Variants in ARHGAP15 observed in about 807,000 individuals in gnomAD.
ARHGAP15 encodes rho GTPase-activating protein 15.
In ARHGAP15, 51 loss-of-function variants were observed where a neutral mutation model predicts 63.7. That is an observed-to-expected ratio of 0.80 (90% CI 0.64 to 1.01). The LOEUF (loss-of-function observed/expected upper bound fraction) is 1.01. ARHGAP15 is among the 50% of genes least tolerant of loss of function. ARHGAP15 has a pLI of 0.00. For missense variants in ARHGAP15, 560 were observed against 564.6 expected, an observed-to-expected ratio of 0.99 and a Z score of 0.08; for synonymous variants, 191 against 193.8, an observed-to-expected ratio of 0.99 and a Z score of 0.12.
intron 8 of ARHGAP15, among the ~76,000 whole-genome samples, chr2:143,476,010 C>A (rs1180427721): frequency 6.6e-6 from 1 of 152,158 alleles, no homozygotes; most frequent in Non-Finnish European, 1.5e-5. Context: ...CTGTTTTTAT[C>A]AAAAGTGACT....
chr2:143,707,219 G>A (rs1373037091), intron 13 of ARHGAP15, among the ~76,000 whole-genome samples: 1 of 152,168 alleles, frequency 6.6e-6, no homozygotes, highest in African/African-American at 2.4e-5. Flanking sequence ...TTGGATTGGA[G>A]TGATGGACGT....
chr2:143,278,314 G>A (rs1191902725), intron 6 of ARHGAP15, among the ~76,000 whole-genome samples: 1 of 152,166 alleles, frequency 6.6e-6, no homozygotes, highest in Non-Finnish European at 1.5e-5. Flanking sequence ...GCTTCTCCCA[G>A]ATGGTCTGCA....
At chr2:143,206,006 C>A (rs1335558785) in intron 3 of ARHGAP15, among the ~76,000 whole-genome samples, 1 of 151,996 alleles carries the variant, frequency 6.6e-6, no homozygotes, top group African/African-American at 2.4e-5. Context: ...AAATTTTCTA[C>A]AGCATCATGG....
At chr2:143,216,347 G>GTTTGTCACGGT in intron 3 of ARHGAP15, 37 bp from the exon 4 acceptor site, 2 of 1,515,076 alleles carry the variant, frequency 1.3e-6, no homozygotes, top group Non-Finnish European at 1.8e-6. Context: ...ATGCATAGTA[G>GTTTGTCACGGT]TTTGTCACGG....
intron 6 of ARHGAP15, among the ~76,000 whole-genome samples, chr2:143,409,561 A>G (rs977718115): frequency 3.3e-5 from 5 of 152,090 alleles, no homozygotes; most frequent in Admixed American, 6.6e-5. Flanking sequence ...TTATTCACCT[A>G]TATACCCCCA....
chr2:143,460,220 T>C (rs1690870128), intron 8 of ARHGAP15, among the ~76,000 whole-genome samples: 1 of 152,130 alleles, frequency 6.6e-6, no homozygotes, highest in Non-Finnish European at 1.5e-5. Flanking sequence ...AGCAAGATTA[T>C]TAGTGGAAAT....
chr2:143,379,042 A>T (rs1215676655), intron 6 of ARHGAP15, among the ~76,000 whole-genome samples: 1 of 151,764 alleles, frequency 6.6e-6, no homozygotes, highest in East Asian at 1.9e-4. Context: ...TTTAAATGGG[A>T]ATTTCAAAAA....
intron 6 of ARHGAP15, among the ~76,000 whole-genome samples, chr2:143,309,026 T>C (rs1350808693): frequency 6.6e-6 from 1 of 151,778 alleles, no homozygotes; most frequent in African/African-American, 2.4e-5. Context: ...TTATCTCATA[T>C]TGTTCTTTGT....
intron 13 of ARHGAP15, among the ~76,000 whole-genome samples, chr2:143,731,698 C>T (rs1437664794): frequency 6.6e-6 from 1 of 152,208 alleles, no homozygotes; most frequent in Non-Finnish European, 1.5e-5. Context: ...TTGATGCTTG[C>T]ATATAGCATA....
At chr2:143,612,952 A>G (rs1574709393) in intron 11 of ARHGAP15, among the ~76,000 whole-genome samples, 2 of 152,234 alleles carry the variant, frequency 1.3e-5, no homozygotes, top group Non-Finnish European at 2.9e-5. Flanking sequence ...TTGGTTTTCT[A>G]GTAGTTTATA....
chr2:143,659,032 T>C lies in ARHGAP15; in HGVS notation c.1138+34765T>C, dbSNP rs1203722945. 2.6e-5 allele frequency among the ~76,000 whole-genome samples: 4 copies of C among 152,180 alleles called. No individual in the cohort carries two copies. The East Asian group carries it at 7.7e-4, about 29-fold the overall frequency. Reference sequence around the variant, plus strand: ...TCTCCTGCCCAACTCACTGACTACCTATCAAGCACATGCACCCTTCTGTTC... The same window carrying C: ...TCTCCTGCCCAACTCACTGACTACCCATCAAGCACATGCACCCTTCTGTTC... On this transcript the variant is annotated intron_variant, in intron 12 of 13. Transcript: ENST00000295095.
At chr2:143,456,697 C>T (rs1383460764) in intron 8 of ARHGAP15, among the ~76,000 whole-genome samples, 1 of 151,992 alleles carries the variant, frequency 6.6e-6, no homozygotes, top group Non-Finnish European at 1.5e-5. Context: ...TAGATTATAA[C>T]TTCAGCAGTC....
chr2:143,501,632 C>A (rs114348624), intron 9 of ARHGAP15, among the ~76,000 whole-genome samples: 2 of 152,264 alleles, frequency 1.3e-5, no homozygotes, highest in South Asian at 2.1e-4. Context: ...TGCATGCATG[C>A]CTTTTTAGTC....
At chr2:143,711,502 A>C (rs1294619922) in intron 13 of ARHGAP15, among the ~76,000 whole-genome samples, 2 of 152,210 alleles carry the variant, frequency 1.3e-5, no homozygotes, top group Admixed American at 6.5e-5. Context: ...GTGGTAAAGA[A>C]ATGGTGAGTC....
rs1459122038 is a variant in ARHGAP15 at position 143,459,773 on chromosome 2, G to T, written c.703+22731G>T. On this transcript the variant is annotated intron_variant, in intron 8 of 13. Coordinates refer to ENST00000295095, the MANE Select transcript of ARHGAP15 (RefSeq NM_018460.4). ...TGAAATAATCTACCTGTCCAACAGT[G>T]GGCCTTTGTTTAAAAAATCATGGTG... Among the ~76,000 whole-genome samples the T allele has an allele frequency of 3.9e-5, 6 of 152,228 alleles. No individual in the cohort carries two copies. The South Asian group carries it at 1.0e-3, about 26-fold the overall frequency.
chr2:143,382,493 T>C (rs1044378286), intron 6 of ARHGAP15, among the ~76,000 whole-genome samples: 1 of 152,130 alleles, frequency 6.6e-6, no homozygotes, highest in Non-Finnish European at 1.5e-5. Flanking sequence ...GAGTCCAAAT[T>C]TCCCTTTTGG....
At chr2:143,589,007 A>G (rs1697216469) in intron 11 of ARHGAP15, among the ~76,000 whole-genome samples, 1 of 151,940 alleles carries the variant, frequency 6.6e-6, no homozygotes, top group Non-Finnish European at 1.5e-5. Context: ...CCTCTTCATT[A>G]TTTCACCTAT....
intron 11 of ARHGAP15, among the ~76,000 whole-genome samples, chr2:143,600,425 T>C (rs1207134798): frequency 6.6e-6 from 1 of 152,154 alleles, no homozygotes; most frequent in East Asian, 1.9e-4. Flanking sequence ...ATATCATATA[T>C]AACTCAGTAG....
At chr2:143,290,862 T>G (rs1425661034) in intron 6 of ARHGAP15, among the ~76,000 whole-genome samples, 1 of 152,094 alleles carries the variant, frequency 6.6e-6, no homozygotes, top group Non-Finnish European at 1.5e-5. Flanking sequence ...AAGTAGAGTA[T>G]GATAGCCGGC....
Sources: gnomAD v4.1 joint callset for allele counts (sites outside exome capture counted in the v4.1 genomes callset) on GRCh38, gnomAD v4.1.1 for gene constraint, MANE v1.5 for transcripts, NCBI Gene and HGNC (gene_info 2026-07-23, HGNC 2026-07-21) for gene names.